TIAM2: variants seen among roughly 807,000 people sequenced by gnomAD.
The protein encoded by TIAM2 is TIAM Rac1 associated GEF 2.
Under a neutral mutation model 152.9 loss-of-function variants are expected in TIAM2, and 80 were observed. That is an observed-to-expected ratio of 0.52 (90% CI 0.44 to 0.63). The LOEUF (loss-of-function observed/expected upper bound fraction) is 0.63, where lower values mean the gene tolerates loss of function less well. Ranked by LOEUF, TIAM2 falls within the 30% of genes least tolerant of loss-of-function variation. The probability of loss-of-function intolerance (pLI) is 0.00; values close to 1 mark genes in which losing one functional copy is unlikely to be tolerated. For synonymous variants in TIAM2, 804 were observed against 838.0 expected (o/e 0.96, Z 0.70); for missense variants, 1,965 against 2,120.1 (o/e 0.93, Z 1.44).
intron 1 of TIAM2, among the ~76,000 whole-genome samples, chr6:155,074,853 C>CAAAAAAAAAA: frequency 2.7e-5 from 1 of 37,662 alleles, no homozygotes; most frequent in Non-Finnish European, 5.1e-5. Context: ...GACTCTGTCT[C>CAAAAAAAAAA]AAAAAAAAAA....
chr6:155,007,192 T>G (rs1183936246), intron 1 of TIAM2, among the ~76,000 whole-genome samples: 2 of 152,174 alleles, frequency 1.3e-5, no homozygotes, highest in African/African-American at 4.8e-5. Context: ...AAGGTCTCTC[T>G]TCCCGTCTCT....
intron 9 of TIAM2, among the ~76,000 whole-genome samples, chr6:155,173,963 G>A (rs1780700807): frequency 6.6e-6 from 1 of 152,212 alleles, no homozygotes; most frequent in Non-Finnish European, 1.5e-5. Flanking sequence ...GAGAGGAGAT[G>A]GAAGTGAGCA....
chr6:155,250,293 T>C (rs919198122), intron 21 of TIAM2, among the ~76,000 whole-genome samples: 1 of 57,148 alleles, frequency 1.7e-5, no homozygotes, highest in African/African-American at 5.5e-5. Flanking sequence ...GATTTTGCCT[T>C]TTTTTTTTTT....
At chr6:155,005,186 C>T (rs765560287) in intron 1 of TIAM2, 1 of 227,796 alleles carries the variant, frequency 4.4e-6, no homozygotes, top group Non-Finnish European at 9.5e-6. Flanking sequence ...CCCTCATTTC[C>T]CCTTTCACCT....
chr6:155,064,534 A>G (rs774097949), intron 1 of TIAM2, among the ~76,000 whole-genome samples: 1 of 152,228 alleles, frequency 6.6e-6, no homozygotes, highest in Non-Finnish European at 1.5e-5. Flanking sequence ...GAAGTGTGAG[A>G]GCCACCCGGC....
chr6:155,122,639 A>G (rs73004964), intron 2 of TIAM2, among the ~76,000 whole-genome samples: 10,832 of 151,944 alleles, frequency 0.071, 537 homozygotes, highest in East Asian at 0.25. Flanking sequence ...TACACAGCAT[A>G]AAATGTTTGC....
At chr6:155,021,463 T>C (rs9397763) in intron 1 of TIAM2, among the ~76,000 whole-genome samples, 18,533 of 152,060 alleles carry the variant, frequency 0.12, 1,452 homozygotes, top group East Asian at 0.34. Flanking sequence ...GGTTTCGCCA[T>C]GTTGGTCAGG....
chr6:155,239,755 C>T (rs572436366), intron 15 of TIAM2, among the ~76,000 whole-genome samples: 35 of 152,288 alleles, frequency 2.3e-4, no homozygotes, highest in South Asian at 2.1e-3. Context: ...GGCCCTGGCT[C>T]CCTGCTAAGA....
chr6:155,168,986 T>G (rs1562339674), intron 9 of TIAM2: 9 of 1,398,650 alleles, frequency 6.4e-6, no homozygotes, highest in Non-Finnish European at 9.6e-7. Context: ...TTTTCTGTTT[T>G]TTTTTGTTTG....
chr6:155,117,011 G>C (rs187466548), intron 2 of TIAM2, among the ~76,000 whole-genome samples: 225 of 151,358 alleles, frequency 1.5e-3, no homozygotes, highest in Non-Finnish European at 2.2e-3. Context: ...TGAAGTAGAC[G>C]GGGGAGAAAG....
chr6:155,028,618 A>G (rs1380538763), intron 1 of TIAM2, among the ~76,000 whole-genome samples: 1 of 115,436 alleles, frequency 8.7e-6, no homozygotes, highest in Non-Finnish European at 1.7e-5. Flanking sequence ...TATATACTAC[A>G]TATAATATAT....
In TIAM2 at chr6:155,199,705, A is replaced by T. The variant is rs183941614; in HGVS notation, c.3065-11499A>T. ...TTTATGAAGCGAAAAAAGCAAAGTA[A>T]TGGATCAAACATTCCATTTTGGTTT... On this transcript the variant is annotated intron_variant, in intron 14 of 26. Transcript: ENST00000682666. Among the ~76,000 whole-genome samples the T allele has an allele frequency of 2.2e-4, 34 of 152,362 alleles. No homozygotes were observed. In the East Asian group the frequency reaches 6.4e-3, roughly 28 times the overall value.
chr6:155,168,075 T>C (rs1052535531), intron 9 of TIAM2, among the ~76,000 whole-genome samples: 1 of 152,236 alleles, frequency 6.6e-6, no homozygotes, highest in African/African-American at 2.4e-5. Flanking sequence ...TCAGTATTTA[T>C]ATAACTGAAT....
intron 21 of TIAM2, 33 bp from the exon 22 acceptor site, chr6:155,250,880 G>C (rs371193626): frequency 6.3e-7 from 1 of 1,598,506 alleles, no homozygotes; most frequent in Non-Finnish European, 8.6e-7. Flanking sequence ...TGGGATTTCC[G>C]TATCTTCCTT....
chr6:155,196,919 G>A lies in TIAM2; in HGVS notation c.3064+13419G>A, dbSNP rs191084581. On this transcript the variant is annotated intron_variant, in intron 14 of 26. Transcript: ENST00000682666. ...TGGCTGTTAACATCTTTAACATGTCGTGGGAAAATGTGACAAAGTTCAAAT... is the reference window on the plus strand; with the variant it reads ...TGGCTGTTAACATCTTTAACATGTCATGGGAAAATGTGACAAAGTTCAAAT... Among the ~76,000 whole-genome samples the A allele has an allele frequency of 8.5e-5, 13 of 152,216 alleles. No individual in the cohort carries two copies. In the East Asian group the frequency reaches 1.5e-3, roughly 18 times the overall value.
chr6:155,070,610 T>C (rs1454345313), intron 1 of TIAM2, among the ~76,000 whole-genome samples: 2 of 152,202 alleles, frequency 1.3e-5, no homozygotes, highest in African/African-American at 4.8e-5. Flanking sequence ...AAAATTTTTC[T>C]AGTAAGCATC....
chr6:155,181,848 C>G (rs1007963991), intron 12 of TIAM2, among the ~76,000 whole-genome samples: 8 of 152,092 alleles, frequency 5.3e-5, no homozygotes, highest in Non-Finnish European at 1.2e-4. Flanking sequence ...TAGCATATGC[C>G]AAGATATTTT....
chr6:155,256,717 C>T lies in TIAM2; in HGVS notation c.4702C>T (p.Leu1568=). ...CAATCTCATCAAAGAGAGTGACATC[C>T]TGAGCGATGAAGATGATGACCACCG... ...ADNLIKESDI[L]SDEDDDHRQT... The change falls in exon 27 of 27, where the codon CTG becomes TTG. Residue 1568 remains leucine (L), a synonymous_variant. Transcript: ENST00000682666. 6.2e-7 allele frequency: 1 copy of T among 1,614,176 alleles called. No homozygotes were observed. The highest frequency in any genetic ancestry group is 1.3e-5 in the African/African-American group (1 of 75,044).
chr6:155,182,482 C>A (rs780532523), intron 13 of TIAM2, among the ~76,000 whole-genome samples, 164 bp downstream of exon 13: 2 of 152,134 alleles, frequency 1.3e-5, no homozygotes, highest in African/African-American at 4.8e-5. Flanking sequence ...CCAAACACAG[C>A]GGCTCGCTCG....
Sources: allele counts gnomAD v4.1 joint callset (sites outside exome capture counted in the v4.1 genomes callset), GRCh38; gene constraint gnomAD v4.1.1; transcripts MANE v1.5; gene names NCBI Gene and HGNC (gene_info 2026-07-23, HGNC 2026-07-21).